The following MEF2B variants were observed in gnomAD, a reference collection of about 807,000 sequenced individuals.
The protein encoded by MEF2B is myocyte-specific enhancer factor 2B.
Under a neutral mutation model 32.2 loss-of-function variants are expected in MEF2B, and 15 were observed. That is an observed-to-expected ratio of 0.47 (90% CI 0.31 to 0.72). The LOEUF (loss-of-function observed/expected upper bound fraction) is 0.72, where lower values mean the gene tolerates loss of function less well. MEF2B is among the 30% of genes least tolerant of loss of function. MEF2B has a pLI of 0.05. For missense variants in MEF2B, 441 were observed against 511.5 expected (o/e 0.86, Z 1.33); for synonymous variants, 205 against 225.6 (o/e 0.91, Z 0.82).
At position 19,145,572 on chromosome 19, in the gene MEF2B, T is replaced by C; in HGVS notation, c.*225A>G. 1 of 1,065,150 alleles carries C rather than the reference T, an allele frequency of 9.4e-7. No individual in the cohort carries two copies. Among genetic ancestry groups the C allele is most frequent in the Non-Finnish European group, 1.3e-6 (1 of 759,476 alleles). The allele number at this position is 1,065,150 out of a possible 1,614,324, so 66.0% of individuals were successfully genotyped here. The stretch of plus-strand genomic sequence containing the variant: ...ATGAGGCGAGTCACAGTCAGTCTGG[T>C]CCACGGACGCCACGCGCGTTTTATT... On this transcript the variant is annotated 3_prime_UTR_variant, in exon 9 of 9. Coordinates refer to ENST00000424583, the MANE Select transcript of MEF2B (RefSeq NM_001145785.2). The surrounding 1 kb of genome is among the most constrained non-coding windows in gnomAD (Gnocchi z 4.6).
At position 19,158,092 on chromosome 19, in the gene MEF2B, C is replaced by CT. The variant is rs113158341; in HGVS notation, c.-29-7329dup. ...GTGATTTATTTCAAAAGGAAGATTTCTTTTTTTTTTTTTGAAGTGGAGTCT... is the reference window on the plus strand; with the variant it reads ...GTGATTTATTTCAAAAGGAAGATTTCTTTTTTTTTTTTTTGAAGTGGAGTCT... On this transcript the variant is annotated intron_variant, in intron 1 of 8. Transcript: ENST00000424583. Among the ~76,000 whole-genome samples the CT allele has an allele frequency of 9.2e-3, 1,322 of 144,454 alleles. 17 individuals carry two copies. The highest frequency in any genetic ancestry group is 0.024 in the African/African-American group (965 of 39,432). The allele number at this position is 144,454 out of a possible 152,430, so 94.8% of individuals were successfully genotyped here. A position where few individuals can be genotyped will look rare whatever the true frequency, so the allele number is the denominator to read the frequency against.
At chr19:19,168,268 CTTTT>C (rs1050853160) in intron 1 of MEF2B, among the ~76,000 whole-genome samples, 4 of 99,024 alleles carry the variant, frequency 4.0e-5, no homozygotes, top group Admixed American at 1.1e-4. Context: ...TTTCTTTCTT[CTTTT>C]TTTTTTTTTT....
chr19:19,161,811 GTTT>G (rs549809476), intron 1 of MEF2B, among the ~76,000 whole-genome samples: 1 of 137,548 alleles, frequency 7.3e-6, no homozygotes, highest in East Asian at 2.1e-4. Flanking sequence ...CTTCTTTTTT[GTTT>G]TTTTTTTTTG....
chr19:19,154,837 A>G (rs1303568356), intron 1 of MEF2B, among the ~76,000 whole-genome samples: 2 of 152,128 alleles, frequency 1.3e-5, no homozygotes, highest in Admixed American at 6.6e-5. Flanking sequence ...CAGGGTGGAG[A>G]TCATGGGCGG....
intron 1 of MEF2B, among the ~76,000 whole-genome samples, chr19:19,157,616 G>A (rs1338212256): frequency 6.6e-6 from 1 of 152,250 alleles, no homozygotes; most frequent in Non-Finnish European, 1.5e-5. Context: ...GGGAGGCCAA[G>A]GCGGGCAGAT....
In MEF2B at chr19:19,147,059, G is replaced by T; in HGVS notation, c.518C>A (p.Ala173Glu). The part of the protein sequence containing the change: ...AQSRPSPFRP[A>E]APKAGPPGLV... The stretch of plus-strand genomic sequence containing the variant: ...ACCTGGGGGCCCGGCTTTGGGGGCT[G>T]CTGGTCGGAAGGGAGATGGGCGGCT... The change falls in exon 5 of 9, where the codon GCA becomes GAA. Residue 173 changes from alanine to glutamate, a missense_variant. Transcript: ENST00000424583. The T allele has an allele frequency of 6.2e-7, 1 of 1,606,222 alleles. No homozygotes were observed. Among genetic ancestry groups the T allele is most frequent in the Admixed American group, 1.7e-5 (1 of 58,436 alleles).
chr19:19,160,586 A>C (rs1355720909), intron 1 of MEF2B, among the ~76,000 whole-genome samples: 1 of 142,472 alleles, frequency 7.0e-6, no homozygotes, highest in Non-Finnish European at 1.5e-5. Flanking sequence ...TTGGCAGAGG[A>C]ACCCAGGCCG....
At chr19:19,157,880 G>A (rs1455981042) in intron 1 of MEF2B, among the ~76,000 whole-genome samples, 1 of 152,060 alleles carries the variant, frequency 6.6e-6, no homozygotes, top group African/African-American at 2.4e-5. Flanking sequence ...CCCTCACTGA[G>A]GCTGATGGAT....
At chr19:19,158,949 CT>C (rs1043369014) in intron 1 of MEF2B, among the ~76,000 whole-genome samples, 1 of 148,248 alleles carries the variant, frequency 6.7e-6, no homozygotes, top group African/African-American at 2.5e-5. Context: ...GTTTTTTTTT[CT>C]TTTTTTTGAG....
chr19:19,164,551 C>T (rs1488598848), intron 1 of MEF2B, among the ~76,000 whole-genome samples: 5 of 152,242 alleles, frequency 3.3e-5, no homozygotes, highest in African/African-American at 9.6e-5. Flanking sequence ...CGGTGGCTCA[C>T]GCCTGTAATC....
In MEF2B at chr19:19,146,726, C is replaced by T; in HGVS notation, c.675+16G>A. ...GCCTGCCCTCATCAGCCCTGCCACA[C>T]CCTCCCCTCACTCACGGAGGTGTTT... is the stretch of plus-strand genomic sequence containing the variant. On this transcript the variant is annotated intron_variant, in intron 6 of 8. Transcript: ENST00000424583. 6.2e-7 allele frequency: 1 copy of T among 1,613,986 alleles called. No homozygotes were observed. The highest frequency in any genetic ancestry group is 8.5e-7 in the Non-Finnish European group (1 of 1,179,944).
intron 1 of MEF2B, among the ~76,000 whole-genome samples, chr19:19,158,015 T>G (rs2060131537): frequency 6.6e-6 from 1 of 152,088 alleles, no homozygotes; most frequent in Non-Finnish European, 1.5e-5. Flanking sequence ...ATATGTTCAG[T>G]TTGTGCAAAT....
chr19:19,145,881 C>A lies in MEF2B; in HGVS notation c.1023G>T (p.Leu341Phe), dbSNP rs2146348346. 6.8e-7 allele frequency: 1 copy of A among 1,470,386 alleles called. No individual in the cohort carries two copies. The highest frequency in any genetic ancestry group is 2.5e-5 in the East Asian group (1 of 39,488). 91.1% of individuals were successfully genotyped at this position (1,470,386 alleles called of 1,614,324 possible). The part of the protein sequence containing the change: ...GDFPKTFPYP[L>F]LLARSLAEPL... The stretch of plus-strand genomic sequence containing the variant: ...GCTCTGCCAGGGACCGGGCGAGGAG[C>A]AAGGGATAGGGGAAGGTCTTAGGAA... The change falls in exon 9 of 9, where the codon TTG becomes TTT. Residue 341 changes from leucine to phenylalanine, a missense_variant. Transcript: ENST00000424583. The surrounding 1 kb of genome is among the most constrained non-coding windows in gnomAD (Gnocchi z 4.6).
chr19:19,163,067 C>T (rs1356490621), intron 1 of MEF2B, among the ~76,000 whole-genome samples: 1 of 152,224 alleles, frequency 6.6e-6, no homozygotes, highest in Non-Finnish European at 1.5e-5. Context: ...CCGGGACACC[C>T]TTCTAGGTTT....
chr19:19,166,797 C>T (rs1301420155), intron 1 of MEF2B, among the ~76,000 whole-genome samples: 1 of 152,098 alleles, frequency 6.6e-6, no homozygotes, highest in Non-Finnish European at 1.5e-5. Flanking sequence ...GGCGTGGTGG[C>T]TCATGCCTCT....
At chr19:19,162,000 G>A (rs563179436) in intron 1 of MEF2B, among the ~76,000 whole-genome samples, 2 of 152,142 alleles carry the variant, frequency 1.3e-5, no homozygotes, top group Admixed American at 6.5e-5. Flanking sequence ...TACAGACAGG[G>A]TTTCACCATG....
intron 1 of MEF2B, among the ~76,000 whole-genome samples, chr19:19,154,026 T>C (rs1239685545): frequency 6.6e-6 from 1 of 152,164 alleles, no homozygotes; most frequent in African/African-American, 2.4e-5. Context: ...GTGCTGGGAT[T>C]CCAGGTGTGA....
chr19:19,168,256 T>C (rs1326218662), intron 1 of MEF2B, among the ~76,000 whole-genome samples: 5 of 151,262 alleles, frequency 3.3e-5, no homozygotes, highest in Non-Finnish European at 7.4e-5. Context: ...ATTATTGTTT[T>C]GTTTCTTTCT....
chr19:19,163,580 C>G (rs1322485250), intron 1 of MEF2B, among the ~76,000 whole-genome samples: 2 of 152,186 alleles, frequency 1.3e-5, no homozygotes, highest in Non-Finnish European at 2.9e-5. Context: ...CCTCAATCAC[C>G]CTTCCTTGAA....
Sources: gnomAD v4.1 joint callset for allele counts (sites outside exome capture counted in the v4.1 genomes callset) on GRCh38, gnomAD v4.1.1 for gene constraint, Gnocchi (gnomAD v3.1) non-coding constraint, MANE v1.5 for transcripts, NCBI Gene and HGNC (gene_info 2026-07-23, HGNC 2026-07-21) for gene names.